The following CSMD1 variants were observed in gnomAD, a reference collection of about 807,000 sequenced individuals.
CSMD1 encodes the protein CUB and Sushi multiple domains 1.
Under a neutral mutation model 417.5 loss-of-function variants are expected in CSMD1, and 213 were observed. That is an observed-to-expected ratio of 0.51 (90% CI 0.46 to 0.57). The LOEUF is 0.57. Ranked by LOEUF, CSMD1 falls within the 20% of genes least tolerant of loss-of-function variation. CSMD1 has a pLI of 0.00. For synonymous variants in CSMD1, 2,862 were observed against 1,736.8 expected, an observed-to-expected ratio of 1.65 and a Z score of -16.11; for missense variants, 6,923 against 4,529.7, an observed-to-expected ratio of 1.53 and a Z score of -15.17.
rs376096063 is a variant in CSMD1 at position 4,113,447 on chromosome 8, C to T, written c.416-81348G>A. Among the ~76,000 whole-genome samples, 65 of 135,466 alleles carry T rather than the reference C, an allele frequency of 4.8e-4. 1 individual carries two copies. Among genetic ancestry groups the T allele is most frequent in the African/African-American group, 1.8e-3 (64 of 35,318 alleles). The allele number at this position is 135,466 out of a possible 152,430, so 88.9% of individuals were successfully genotyped here. Reference sequence around the variant, plus strand: ...TGAGACAGTATCTCGCTCTGTCACGCAGGCTGGACTGCAATGGTGCAATCT... The same window carrying T: ...TGAGACAGTATCTCGCTCTGTCACGTAGGCTGGACTGCAATGGTGCAATCT... On this transcript the variant is annotated intron_variant, in intron 3 of 69. Transcript: ENST00000635120.
chr8:3,673,088 T>C (rs1304130181), intron 7 of CSMD1, among the ~76,000 whole-genome samples: 1 of 152,190 alleles, frequency 6.6e-6, no homozygotes, highest in Non-Finnish European at 1.5e-5. Context: ...GTTCAATAAA[T>C]GCTTACTGAG....
chr8:3,524,130 TACAC>T (rs758122843), intron 10 of CSMD1, among the ~76,000 whole-genome samples: 61 of 125,828 alleles, frequency 4.8e-4, no homozygotes, highest in Non-Finnish European at 8.0e-4. Context: ...TGCACATACA[TACAC>T]ACACACGCAC....
At chr8:3,426,831 G>C (rs1045540382) in intron 12 of CSMD1, among the ~76,000 whole-genome samples, 2 of 152,110 alleles carry the variant, frequency 1.3e-5, no homozygotes, top group Non-Finnish European at 2.9e-5. Context: ...GGATGTATTA[G>C]TCCATATTTG....
intron 3 of CSMD1, among the ~76,000 whole-genome samples, chr8:4,160,493 C>T (rs985422772): frequency 1.3e-5 from 2 of 152,096 alleles, no homozygotes; most frequent in African/African-American, 2.4e-5. Context: ...GTCCGAACAT[C>T]GGTTGAAAGT....
intron 5 of CSMD1, among the ~76,000 whole-genome samples, chr8:3,906,525 G>A (rs113220459): frequency 1.4e-5 from 1 of 73,214 alleles, no homozygotes. Context: ...TGTGCTCACT[G>A]TAAAGAGTGA....
intron 41 of CSMD1, among the ~76,000 whole-genome samples, chr8:3,136,728 G>A (rs964708999): frequency 2.6e-5 from 4 of 152,064 alleles, no homozygotes; most frequent in African/African-American, 4.8e-5. Context: ...TAATCCTTGG[G>A]GTCATGTTTC....
At chr8:4,807,337 T>G (rs1463111158) in intron 1 of CSMD1, among the ~76,000 whole-genome samples, 1 of 152,196 alleles carries the variant, frequency 6.6e-6, no homozygotes, top group Non-Finnish European at 1.5e-5. Flanking sequence ...GTGACAGCAC[T>G]GACTTAAAAC....
chr8:3,550,456 A>G (rs890313171), intron 10 of CSMD1, among the ~76,000 whole-genome samples: 1 of 152,216 alleles, frequency 6.6e-6, no homozygotes, highest in Non-Finnish European at 1.5e-5. Flanking sequence ...AAGTTTTTTA[A>G]TTGACACATG....
At chr8:3,513,937 G>C (rs748543753) in intron 10 of CSMD1, among the ~76,000 whole-genome samples, 1 of 152,240 alleles carries the variant, frequency 6.6e-6, no homozygotes. Flanking sequence ...GGGGCCATTA[G>C]AAGTGAGAGT....
At chr8:3,695,464 G>A (rs78308118) in intron 7 of CSMD1, among the ~76,000 whole-genome samples, 1 of 152,108 alleles carries the variant, frequency 6.6e-6, no homozygotes, top group African/African-American at 2.4e-5. Context: ...AAAATCATGA[G>A]AAATACAAAT....
Position 4,419,413 on chromosome 8 carries a change from G to A in CSMD1, c.415+540C>T, listed in dbSNP as rs73658873. Among the ~76,000 whole-genome samples the A allele has an allele frequency of 2.1e-3, 324 of 152,224 alleles. 4 individuals are homozygous for A. Among genetic ancestry groups the A allele is most frequent in the African/African-American group, 7.6e-3 (317 of 41,546 alleles). ...TTCTGCCAAAAGCCGTTTTAATAATGATAGCAATACCTCAAAGGTATCTAG... is the reference window on the plus strand; with the variant it reads ...TTCTGCCAAAAGCCGTTTTAATAATAATAGCAATACCTCAAAGGTATCTAG... On this transcript the variant is annotated intron_variant, in intron 3 of 69. Transcript: ENST00000635120.
chr8:4,195,373 A>G (rs889994), intron 3 of CSMD1, among the ~76,000 whole-genome samples: 21,027 of 152,206 alleles, frequency 0.14, 1,826 homozygotes, highest in East Asian at 0.29. Context: ...TGGATCTTCT[A>G]TAACATTTTT....
intron 3 of CSMD1, among the ~76,000 whole-genome samples, chr8:4,347,720 G>C (rs1171049313): frequency 6.6e-6 from 1 of 152,014 alleles, no homozygotes; most frequent in African/African-American, 2.4e-5. Context: ...CCTGTAGCAC[G>C]TAACTCAATT....
chr8:3,598,567 C>A (rs927774174), intron 8 of CSMD1, among the ~76,000 whole-genome samples: 2 of 152,148 alleles, frequency 1.3e-5, no homozygotes, highest in African/African-American at 4.8e-5. Context: ...CTGTCTACAA[C>A]AGAGGAGGAC....
intron 5 of CSMD1, among the ~76,000 whole-genome samples, chr8:3,959,041 A>G (rs1026438754): frequency 6.6e-6 from 1 of 152,100 alleles, no homozygotes; most frequent in African/African-American, 2.4e-5. Context: ...ATGCTCCTCC[A>G]TACTTCCTAC....
intron 5 of CSMD1, among the ~76,000 whole-genome samples, chr8:3,758,858 G>T (rs974875508): frequency 2.4e-4 from 36 of 152,068 alleles, no homozygotes; most frequent in African/African-American, 7.7e-4. Context: ...TTATTGAGTG[G>T]GCCCAATGTA....
intron 3 of CSMD1, among the ~76,000 whole-genome samples, chr8:4,378,984 C>G (rs1215996165): frequency 6.6e-6 from 1 of 152,116 alleles, no homozygotes; most frequent in Non-Finnish European, 1.5e-5. Context: ...TTTGTAATCA[C>G]AGCTCAGATG....
intron 2 of CSMD1, among the ~76,000 whole-genome samples, chr8:4,512,115 G>C (rs530891333): frequency 6.6e-6 from 1 of 152,082 alleles, no homozygotes; most frequent in Admixed American, 6.5e-5. Context: ...ATTCATCTCA[G>C]GTATGCAAGG....
At position 3,407,951 on chromosome 8, in the gene CSMD1, T is replaced by C. The variant is rs1812454923; in HGVS notation, c.2019A>G (p.Glu673=). The change falls in exon 14 of 70, where the codon GAA becomes GAG. Residue 673 remains glutamate, a synonymous_variant. Transcript: ENST00000635120. The stretch of plus-strand genomic sequence containing the variant: ...CAGTAGTGGAATGGTCAGACTGAAA[T>C]TCCAAGCGAACTATATGCCCACTGC... ...LASSGHIVRL[E]FQSDHSTTGR... 1 of 1,613,424 alleles carries C rather than the reference T, an allele frequency of 6.2e-7. No individual in the cohort carries two copies. Among genetic ancestry groups the C allele is most frequent in the Non-Finnish European group, 8.5e-7 (1 of 1,179,722 alleles).
Sources: gnomAD v4.1 joint callset for allele counts (sites outside exome capture counted in the v4.1 genomes callset) on GRCh38, gnomAD v4.1.1 for gene constraint, MANE v1.5 for transcripts, NCBI Gene and HGNC (gene_info 2026-07-23, HGNC 2026-07-21) for gene names.